The following IL1RAPL2 variants were observed in gnomAD, a reference collection of about 807,000 sequenced individuals.
The protein encoded by IL1RAPL2 is interleukin 1 receptor accessory protein like 2.
IL1RAPL2 carries 3 observed loss-of-function variants against 44.1 expected under a neutral mutation model. The observed-to-expected ratio is 0.07, with a 90% CI of 0.03 to 0.18. The LOEUF is 0.18. Ranked by LOEUF, IL1RAPL2 falls within the 10% of genes least tolerant of loss-of-function variation. The pLI is 1.00. For missense variants in IL1RAPL2, 391 were observed against 496.4 expected (o/e 0.79, Z 2.02); for synonymous variants, 181 against 178.8 (o/e 1.01, Z -0.10).
intron 6 of IL1RAPL2, among the ~76,000 whole-genome samples, chrX:105,505,181 G>T (rs186830497): frequency 1.8e-5 from 2 of 110,734 alleles, no homozygotes; most frequent in African/African-American, 6.6e-5. Flanking sequence ...TACTTCATAC[G>T]CACAGATAAT....
intron 2 of IL1RAPL2, among the ~76,000 whole-genome samples, chrX:105,176,255 T>C (rs910280559): frequency 9.0e-6 from 1 of 111,200 alleles, no homozygotes; most frequent in Admixed American, 9.5e-5. Context: ...TAACATGGAA[T>C]ATCCTGTAAC....
At chrX:104,859,387 G>A (rs1459225332) in intron 2 of IL1RAPL2, among the ~76,000 whole-genome samples, 1 of 95,115 alleles carries the variant, frequency 1.1e-5, no homozygotes, top group African/African-American at 3.9e-5. Flanking sequence ...GAACAACAAG[G>A]TACAGTGGGA....
At chrX:104,612,423 A>G (rs908069003) in intron 1 of IL1RAPL2, among the ~76,000 whole-genome samples, 1 of 111,865 alleles carries the variant, frequency 8.9e-6, no homozygotes, top group African/African-American at 3.2e-5. Flanking sequence ...TCCCAGCACA[A>G]TTTATTGAAT....
chrX:104,983,539 A>AATATTATATTAGATACATAATATTAT (rs2030493316), intron 2 of IL1RAPL2, among the ~76,000 whole-genome samples: 1 of 98,897 alleles, frequency 1.0e-5, no homozygotes, highest in African/African-American at 3.8e-5. Flanking sequence ...AATATTATAT[A>AATATTATATTAGATACATAATATTAT]ATATTATATT....
At chrX:105,127,977 T>G (rs1189206508) in intron 2 of IL1RAPL2, among the ~76,000 whole-genome samples, 1 of 111,144 alleles carries the variant, frequency 9.0e-6, no homozygotes, top group African/African-American at 3.3e-5. Context: ...AATTTTATAA[T>G]ACATATAGTA....
At chrX:105,489,897 G>A (rs986316859) in intron 6 of IL1RAPL2, among the ~76,000 whole-genome samples, 2 of 104,330 alleles carry the variant, frequency 1.9e-5, no homozygotes, top group Non-Finnish European at 3.9e-5. Context: ...GCATGATCTC[G>A]ACTCACTGCA....
chrX:104,634,888 A>C (rs1225006446), intron 1 of IL1RAPL2, among the ~76,000 whole-genome samples: 2 of 111,535 alleles, frequency 1.8e-5, no homozygotes, highest in African/African-American at 6.5e-5. Context: ...TGTCATTATG[A>C]TGTTAGCTGG....
intron 6 of IL1RAPL2, among the ~76,000 whole-genome samples, chrX:105,487,021 G>A (rs1274351000): frequency 9.5e-6 from 1 of 105,319 alleles, no homozygotes; most frequent in Non-Finnish European, 1.9e-5. Flanking sequence ...GAACCCTGGA[G>A]GTGGAGCTTG....
Position 104,872,484 on chromosome X carries a change from A to G in IL1RAPL2, c.82+213489A>G, listed in dbSNP as rs149279186. Among the ~76,000 whole-genome samples, 298 of 112,183 alleles carry G rather than the reference A, an allele frequency of 2.7e-3. 5 individuals carry two copies. The East Asian group carries it at 0.061, about 23-fold the overall frequency. On this transcript the variant is annotated intron_variant, in intron 2 of 10. Transcript: ENST00000372582. Reference sequence around the variant, plus strand: ...ACCTAAGCTTCATTAGCTACATGGTAAATCTGCCTCTGACTTTTGTCAAGG... The same window carrying G: ...ACCTAAGCTTCATTAGCTACATGGTGAATCTGCCTCTGACTTTTGTCAAGG...
At chrX:104,898,483 A>C (rs1039490839) in intron 2 of IL1RAPL2, among the ~76,000 whole-genome samples, 8 of 112,686 alleles carry the variant, frequency 7.1e-5, no homozygotes, top group African/African-American at 2.6e-4. Flanking sequence ...TCCTTATTTC[A>C]AATAAGAATC....
chrX:104,948,871 C>T (rs1396996665), intron 2 of IL1RAPL2, among the ~76,000 whole-genome samples: 2 of 109,592 alleles, frequency 1.8e-5, no homozygotes, highest in East Asian at 5.8e-4. Context: ...ATATTGGTCT[C>T]AAATTCTCTT....
At chrX:105,650,256 G>A (rs1448054703) in intron 6 of IL1RAPL2, among the ~76,000 whole-genome samples, 1 of 111,519 alleles carries the variant, frequency 9.0e-6, no homozygotes. Context: ...ATTGCCAAAT[G>A]GTCTCTGGAA....
At chrX:104,993,530 T>C (rs2030700326) in intron 2 of IL1RAPL2, among the ~76,000 whole-genome samples, 1 of 111,712 alleles carries the variant, frequency 9.0e-6, no homozygotes, top group Admixed American at 9.5e-5. Flanking sequence ...CAGAGTTTGG[T>C]TTTAAACTGT....
chrX:105,619,055 T>C (rs1406126748), intron 6 of IL1RAPL2, among the ~76,000 whole-genome samples: 2 of 110,556 alleles, frequency 1.8e-5, no homozygotes, highest in Non-Finnish European at 3.8e-5. Flanking sequence ...ACTCCTGTAA[T>C]GAAAGACAGA....
intron 5 of IL1RAPL2, among the ~76,000 whole-genome samples, chrX:105,336,421 A>G (rs1032166017): frequency 1.8e-5 from 2 of 112,498 alleles, no homozygotes; most frequent in African/African-American, 6.4e-5. Flanking sequence ...TATGCCTACT[A>G]TGTGCCAAGC....
intron 6 of IL1RAPL2, among the ~76,000 whole-genome samples, chrX:105,567,501 T>C (rs1393450742): frequency 8.9e-6 from 1 of 112,019 alleles, no homozygotes; most frequent in Admixed American, 9.5e-5. Flanking sequence ...GTGGAGAATT[T>C]TGTCAGATGA....
At chrX:105,081,897 C>T (rs1238849075) in intron 2 of IL1RAPL2, among the ~76,000 whole-genome samples, 3 of 111,840 alleles carry the variant, frequency 2.7e-5, no homozygotes, top group East Asian at 2.8e-4. Context: ...TGAGGATTTT[C>T]GCATCAAAGT....
At chrX:105,250,108 A>G (rs985642795) in intron 4 of IL1RAPL2, among the ~76,000 whole-genome samples, 17 of 111,488 alleles carry the variant, frequency 1.5e-4, no homozygotes, top group African/African-American at 5.5e-4. Context: ...CAGTCTGAAA[A>G]GGGTACGTAC....
intron 2 of IL1RAPL2, among the ~76,000 whole-genome samples, chrX:104,955,884 C>T (rs750454981): frequency 9.0e-6 from 1 of 111,198 alleles, no homozygotes; most frequent in Non-Finnish European, 1.9e-5. Flanking sequence ...GACCAGAGAA[C>T]ATGAAAATAA....
Sources: gnomAD v4.1 joint callset for allele counts (sites outside exome capture counted in the v4.1 genomes callset) on GRCh38, gnomAD v4.1.1 for gene constraint, MANE v1.5 for transcripts, NCBI Gene and HGNC (gene_info 2026-07-23, HGNC 2026-07-21) for gene names.